The following GALNT13 variants were observed in gnomAD, a reference collection of about 807,000 sequenced individuals.
The protein encoded by GALNT13 is polypeptide N-acetylgalactosaminyltransferase 13.
Under a neutral mutation model 64.2 loss-of-function variants are expected in GALNT13, and 28 were observed. That is an observed-to-expected ratio of 0.44 (90% confidence interval 0.32 to 0.60). GALNT13 has a LOEUF of 0.60. GALNT13 is among the 20% of genes least tolerant of loss of function. The pLI is 0.05. For missense variants in GALNT13, 577 were observed against 669.8 expected, an observed-to-expected ratio of 0.86 and a Z score of 1.53; for synonymous variants, 214 against 224.6, an observed-to-expected ratio of 0.95 and a Z score of 0.42.
chr2:154,270,755 A>G (rs553511608), intron 8 of GALNT13, among the ~76,000 whole-genome samples: 3 of 151,944 alleles, frequency 2.0e-5, no homozygotes, highest in Admixed American at 6.6e-5. Context: ...GGCATTGCCC[A>G]GTAGACACAA....
the GALNT13 span, among the ~76,000 whole-genome samples, chr2:153,843,402 G>A: frequency 6.6e-6 from 1 of 152,152 alleles, no homozygotes; most frequent in Non-Finnish European, 1.5e-5. Context: ...CAAAGGGATG[G>A]CCCAAGCCAT....
chr2:153,678,156 A>AATATATATATATATATATATATATAT, the GALNT13 span, among the ~76,000 whole-genome samples: 70 of 145,594 alleles, frequency 4.8e-4, no homozygotes, highest in African/African-American at 1.6e-3. Context: ...CCGACAAATG[A>AATATATATATATATATATATATATAT]ATATATATAT....
At chr2:153,433,184 A>T in the GALNT13 span, among the ~76,000 whole-genome samples, 1 of 152,204 alleles carries the variant, frequency 6.6e-6, no homozygotes, top group African/African-American at 2.4e-5. Flanking sequence ...AAAAATAAAA[A>T]GTCTCATCAT....
chr2:153,374,150 A>G, the GALNT13 span, among the ~76,000 whole-genome samples: 3 of 152,228 alleles, frequency 2.0e-5, no homozygotes, highest in African/African-American at 7.2e-5. Flanking sequence ...TGTATTTTTA[A>G]TTTTTTGAAG....
intron 4 of GALNT13, among the ~76,000 whole-genome samples, chr2:154,230,861 G>C (rs564914031): frequency 6.6e-6 from 1 of 152,018 alleles, no homozygotes; most frequent in Admixed American, 6.6e-5. Context: ...GCTCCTCACA[G>C]TTCAATCCAG....
the GALNT13 span, among the ~76,000 whole-genome samples, chr2:153,070,267 T>A: frequency 6.6e-6 from 1 of 152,168 alleles, no homozygotes; most frequent in Non-Finnish European, 1.5e-5. Context: ...AAGGCAGAGC[T>A]ATAGAGATAG....
At chr2:154,357,568 G>A (rs1696821184) in intron 9 of GALNT13, among the ~76,000 whole-genome samples, 1 of 152,006 alleles carries the variant, frequency 6.6e-6, no homozygotes, top group Admixed American at 6.6e-5. Flanking sequence ...GTGCATAGTG[G>A]ATGACAACGG....
intron 4 of GALNT13, among the ~76,000 whole-genome samples, chr2:154,202,886 C>T (rs185108164): frequency 1.3e-5 from 2 of 152,236 alleles, no homozygotes; most frequent in African/African-American, 4.8e-5. Flanking sequence ...CTGAGCCTAA[C>T]ATTGGATGTT....
At chr2:154,286,526 C>T (rs1692276391) in intron 8 of GALNT13, 1 of 157,628 alleles carries the variant, frequency 6.3e-6, no homozygotes, top group Non-Finnish European at 1.4e-5. Context: ...TAAGTAGAAA[C>T]AAAAATATAT....
At chr2:153,268,875 G>C in the GALNT13 span, among the ~76,000 whole-genome samples, 1 of 152,158 alleles carries the variant, frequency 6.6e-6, no homozygotes, top group African/African-American at 2.4e-5. Context: ...GCCATCACCT[G>C]AGCTGGAGTG....
At chr2:153,524,165 T>C in the GALNT13 span, among the ~76,000 whole-genome samples, 1 of 152,176 alleles carries the variant, frequency 6.6e-6, no homozygotes, top group South Asian at 2.1e-4. Context: ...TCTCACTTGA[T>C]TGTGGTATAT....
chr2:153,109,973 C>G, the GALNT13 span, among the ~76,000 whole-genome samples: 1 of 152,140 alleles, frequency 6.6e-6, no homozygotes, highest in African/African-American at 2.4e-5. Flanking sequence ...TTAGAATAGG[C>G]TGAGCGATTC....
At chr2:153,127,701 A>G in the GALNT13 span, among the ~76,000 whole-genome samples, 2 of 152,092 alleles carry the variant, frequency 1.3e-5, no homozygotes, top group African/African-American at 2.4e-5. Context: ...TTTTTGCATC[A>G]TTATTTTATT....
the GALNT13 span, among the ~76,000 whole-genome samples, chr2:153,184,756 G>A: frequency 3.9e-5 from 6 of 152,066 alleles, 1 homozygote; most frequent in South Asian, 1.2e-3. Flanking sequence ...TCTATGTGAT[G>A]AATCATATTT....
At chr2:153,633,067 A>G in the GALNT13 span, among the ~76,000 whole-genome samples, 1 of 152,008 alleles carries the variant, frequency 6.6e-6, no homozygotes, top group African/African-American at 2.4e-5. Flanking sequence ...AGCGCCATCT[A>G]TTTTTATATT....
the GALNT13 span, among the ~76,000 whole-genome samples, chr2:153,130,861 C>G: frequency 6.6e-6 from 1 of 152,032 alleles, no homozygotes; most frequent in Admixed American, 6.6e-5. Flanking sequence ...TAGCCTTCAC[C>G]CTGGTGAGCT....
chr2:153,138,697 A>G, the GALNT13 span, among the ~76,000 whole-genome samples: 2 of 152,080 alleles, frequency 1.3e-5, no homozygotes, highest in African/African-American at 4.8e-5. Flanking sequence ...TGTATTTTGA[A>G]TTAAGTACTC....
the GALNT13 span, among the ~76,000 whole-genome samples, chr2:153,590,104 G>C: frequency 6.6e-6 from 1 of 152,072 alleles, no homozygotes; most frequent in Non-Finnish European, 1.5e-5. Context: ...TGGTTAGCTA[G>C]AGTAACCAAG....
chr2:153,917,538 A>G (rs1281956492), intron 2 of GALNT13, among the ~76,000 whole-genome samples: 1 of 152,184 alleles, frequency 6.6e-6, no homozygotes, highest in Non-Finnish European at 1.5e-5. Context: ...AACAATTATG[A>G]TAAAACCAAA....
Sources: gnomAD v4.1 joint callset for allele counts (sites outside exome capture counted in the v4.1 genomes callset) on GRCh38, gnomAD v4.1.1 for gene constraint, MANE v1.5 for transcripts, NCBI Gene and HGNC (gene_info 2026-07-23, HGNC 2026-07-21) for gene names.